The following TRPM3 variants were observed in gnomAD, a reference collection of about 807,000 sequenced individuals.
TRPM3 encodes the protein long transient receptor potential channel 3.
In TRPM3, 77 loss-of-function variants were observed where a neutral mutation model predicts 181.2. The observed-to-expected ratio is 0.42, with a 90% CI of 0.35 to 0.51. The LOEUF (loss-of-function observed/expected upper bound fraction) is 0.51, where lower values mean the gene tolerates loss of function less well. TRPM3 is among the 20% of genes least tolerant of loss of function. The pLI, the probability that TRPM3 is intolerant of heterozygous loss-of-function variation, is 0.01. For missense variants in TRPM3, 1,759 were observed against 2,196.7 expected (o/e 0.80, Z 3.98); for synonymous variants, 745 against 796.4 (o/e 0.94, Z 1.09).
At chr9:71,216,866 TC>T (rs1236654643) in intron 1 of TRPM3, among the ~76,000 whole-genome samples, 15 of 150,622 alleles carry the variant, frequency 1.0e-4, no homozygotes, top group Admixed American at 7.9e-4. Flanking sequence ...CAAGAAGACA[TC>T]CTTTGTGAAA....
chr9:71,285,799 A>T (rs2085233713), intron 1 of TRPM3, among the ~76,000 whole-genome samples: 1 of 152,106 alleles, frequency 6.6e-6, no homozygotes, highest in African/African-American at 2.4e-5. Flanking sequence ...CCAAATTCAA[A>T]ATCAAGCTTC....
chr9:71,008,182 T>C (rs1432162536), intron 1 of TRPM3, among the ~76,000 whole-genome samples: 1 of 151,970 alleles, frequency 6.6e-6, no homozygotes, highest in Non-Finnish European at 1.5e-5. Context: ...AACTTATGAA[T>C]TCTTGGACAC....
At chr9:70,841,661 T>TATATATATATATATATATGA (rs1339698170) in intron 5 of TRPM3, among the ~76,000 whole-genome samples, 13 of 86,084 alleles carry the variant, frequency 1.5e-4, no homozygotes, top group African/African-American at 6.2e-4. Context: ...TATATATATA[T>TATATATATATATATATATGA]CCCACCATAT....
intron 1 of TRPM3, among the ~76,000 whole-genome samples, chr9:71,391,474 G>A (rs931522395): frequency 6.6e-6 from 1 of 151,958 alleles, no homozygotes; most frequent in Non-Finnish European, 1.5e-5. Context: ...TCTATTTTAA[G>A]TATAGATTAA....
intron 1 of TRPM3, among the ~76,000 whole-genome samples, chr9:71,296,603 G>A (rs897931972): frequency 2.6e-5 from 4 of 152,142 alleles, no homozygotes; most frequent in African/African-American, 9.7e-5. Context: ...AGGAAACTCT[G>A]AAGGTTACAG....
At chr9:71,207,274 T>C (rs1038977709) in intron 1 of TRPM3, among the ~76,000 whole-genome samples, 4 of 152,148 alleles carry the variant, frequency 2.6e-5, no homozygotes, top group Admixed American at 6.6e-5. Flanking sequence ...CTCTTACATA[T>C]TTCATCATTT....
chr9:71,092,071 C>G (rs1450313741), intron 1 of TRPM3, among the ~76,000 whole-genome samples: 1 of 152,166 alleles, frequency 6.6e-6, no homozygotes, highest in Admixed American at 6.6e-5. Flanking sequence ...TAGTGAGTCT[C>G]TTTTAGGGGT....
intron 1 of TRPM3, among the ~76,000 whole-genome samples, chr9:71,409,760 AAG>A (rs1485618061): frequency 1.3e-5 from 2 of 152,200 alleles, no homozygotes; most frequent in African/African-American, 4.8e-5. Context: ...AAGTGGACCT[AAG>A]AGACATCTAC....
chr9:71,017,595 A>G (rs2097794727), intron 1 of TRPM3, among the ~76,000 whole-genome samples: 1 of 151,910 alleles, frequency 6.6e-6, no homozygotes, highest in South Asian at 2.1e-4. Context: ...TTAAGGCAAG[A>G]AACATTGTTA....
At chr9:70,542,874 A>C (rs1480827310) in intron 25 of TRPM3, among the ~76,000 whole-genome samples, 2 of 152,198 alleles carry the variant, frequency 1.3e-5, no homozygotes, top group African/African-American at 4.8e-5. Context: ...AGAATAGCTA[A>C]AGCAAACTCT....
intron 1 of TRPM3, among the ~76,000 whole-genome samples, chr9:71,059,011 A>AT (rs1162577364): frequency 0.51 from 26,115 of 51,548 alleles, 9,901 homozygotes; most frequent in Non-Finnish European, 0.58. Flanking sequence ...TTGTTTGTTC[A>AT]TTTTTTTTTT....
chr9:71,193,769 A>G (rs1335713901), intron 1 of TRPM3, among the ~76,000 whole-genome samples: 3 of 151,926 alleles, frequency 2.0e-5, no homozygotes, highest in African/African-American at 7.2e-5. Flanking sequence ...TAAGAAATCT[A>G]AACTGCAGAA....
At chr9:71,287,682 T>C (rs1304102912) in intron 1 of TRPM3, among the ~76,000 whole-genome samples, 2 of 151,222 alleles carry the variant, frequency 1.3e-5, no homozygotes, top group Admixed American at 1.3e-4. Flanking sequence ...ATACAATTGA[T>C]ATACAGCCAT....
chr9:71,095,904 T>G (rs916443166), intron 1 of TRPM3, among the ~76,000 whole-genome samples: 1 of 151,478 alleles, frequency 6.6e-6, no homozygotes, highest in Non-Finnish European at 1.5e-5. Context: ...AGAGACAGAG[T>G]GGACATGGAG....
intron 1 of TRPM3, among the ~76,000 whole-genome samples, chr9:71,245,823 C>T (rs974789622): frequency 6.6e-6 from 1 of 152,088 alleles, no homozygotes; most frequent in Non-Finnish European, 1.5e-5. Context: ...GAGACAGGAA[C>T]AGATGTCAAA....
intron 6 of TRPM3, among the ~76,000 whole-genome samples, chr9:70,791,966 A>G (rs1490703667): frequency 6.6e-6 from 1 of 152,076 alleles, no homozygotes; most frequent in Non-Finnish European, 1.5e-5. Context: ...TCTATCTAGT[A>G]ATCGGAGGAC....
At chr9:70,612,913 C>T (rs982082632) in intron 18 of TRPM3, among the ~76,000 whole-genome samples, 10 of 152,124 alleles carry the variant, frequency 6.6e-5, no homozygotes, top group African/African-American at 2.2e-4. Flanking sequence ...GGTTTTTAGG[C>T]ATCTTGGAGA....
intron 22 of TRPM3, among the ~76,000 whole-genome samples, chr9:70,567,800 C>T (rs373086241): frequency 1.4e-4 from 22 of 152,160 alleles, no homozygotes; most frequent in Non-Finnish European, 2.4e-4. Flanking sequence ...GGGGTATTTA[C>T]GGACTTAGGG....
intron 1 of TRPM3, among the ~76,000 whole-genome samples, chr9:70,935,623 T>C (rs184271688): frequency 7.5e-4 from 114 of 152,324 alleles, no homozygotes; most frequent in African/African-American, 2.7e-3. Flanking sequence ...CTCACTGATG[T>C]GTGTCCTATA....
Sources: gnomAD v4.1 joint callset for allele counts (sites outside exome capture counted in the v4.1 genomes callset) on GRCh38, gnomAD v4.1.1 for gene constraint, MANE v1.5 for transcripts, NCBI Gene and HGNC (gene_info 2026-07-23, HGNC 2026-07-21) for gene names.